TMEM132D: variants seen among roughly 807,000 people sequenced by gnomAD.
The protein encoded by TMEM132D is transmembrane protein 132D, also known as mature OL transmembrane protein.
TMEM132D carries 21 observed loss-of-function variants against 62.3 expected under a neutral mutation model. That is an observed-to-expected ratio of 0.34 (90% CI 0.24 to 0.49). The LOEUF is 0.49. TMEM132D is among the 20% of genes least tolerant of loss of function. The pLI is 0.99. For synonymous variants in TMEM132D, 621 were observed against 575.6 expected (o/e 1.08, Z -1.13); for missense variants, 1,346 against 1,402.8 (o/e 0.96, Z 0.65).
intron 3 of TMEM132D, among the ~76,000 whole-genome samples, chr12:129,407,079 G>C (rs1871812809): frequency 6.6e-6 from 1 of 152,172 alleles, no homozygotes; most frequent in Non-Finnish European, 1.5e-5. Flanking sequence ...ACATTTCAAA[G>C]TCAAAAATGA....
At chr12:129,215,918 T>C (rs1378552900) in intron 4 of TMEM132D, among the ~76,000 whole-genome samples, 4 of 152,146 alleles carry the variant, frequency 2.6e-5, no homozygotes, top group Non-Finnish European at 5.9e-5. Flanking sequence ...TCCTGAGACT[T>C]ACTCACTACC....
chr12:129,408,010 C>G (rs1273192223), intron 3 of TMEM132D, among the ~76,000 whole-genome samples: 1 of 152,152 alleles, frequency 6.6e-6, no homozygotes, highest in Non-Finnish European at 1.5e-5. Context: ...CCTTCTTACC[C>G]TGGGGCTTCA....
chr12:129,805,387 G>A (rs979841912), intron 1 of TMEM132D, among the ~76,000 whole-genome samples: 71 of 151,974 alleles, frequency 4.7e-4, no homozygotes, highest in African/African-American at 1.1e-3. Context: ...AAATAACGCC[G>A]CATATCTACA....
At chr12:129,253,008 C>A (rs527788913) in intron 4 of TMEM132D, among the ~76,000 whole-genome samples, 6 of 127,496 alleles carry the variant, frequency 4.7e-5, no homozygotes. Context: ...CACATGGACA[C>A]AGGAAGGGGA....
At chr12:129,772,291 T>C (rs1253582756) in intron 1 of TMEM132D, among the ~76,000 whole-genome samples, 2 of 152,170 alleles carry the variant, frequency 1.3e-5, no homozygotes, top group East Asian at 3.8e-4. Context: ...ATAGTATAAT[T>C]TGAGGGCTTT....
At chr12:129,405,117 C>G (rs1050273289) in intron 3 of TMEM132D, among the ~76,000 whole-genome samples, 1 of 152,114 alleles carries the variant, frequency 6.6e-6, no homozygotes, top group African/African-American at 2.4e-5. Context: ...TAACAAAATA[C>G]CAGAGGCTCG....
At chr12:129,393,725 A>T (rs566918150) in intron 3 of TMEM132D, among the ~76,000 whole-genome samples, 76 of 152,310 alleles carry the variant, frequency 5.0e-4, no homozygotes, top group African/African-American at 1.8e-3. Flanking sequence ...CAGCAAGCTT[A>T]AACACTTGAG....
At chr12:129,791,916 T>C (rs75319214) in intron 1 of TMEM132D, among the ~76,000 whole-genome samples, 1,877 of 152,234 alleles carry the variant, frequency 0.012, 33 homozygotes, top group African/African-American at 0.044. Flanking sequence ...TCCTAAACAT[T>C]AGGGCAAAGA....
chr12:129,822,551 A>G (rs1293931173), intron 1 of TMEM132D, among the ~76,000 whole-genome samples: 1 of 152,138 alleles, frequency 6.6e-6, no homozygotes, highest in Non-Finnish European at 1.5e-5. Flanking sequence ...GGAGTTGTTG[A>G]TATGGTTTGT....
intron 2 of TMEM132D, among the ~76,000 whole-genome samples, chr12:129,607,431 C>T (rs1251698688): frequency 6.6e-6 from 1 of 152,222 alleles, no homozygotes; most frequent in East Asian, 1.9e-4. Flanking sequence ...TCAGGGCTGA[C>T]CACCTGCAAG....
chr12:129,092,542 A>G (rs1360213004), intron 5 of TMEM132D, among the ~76,000 whole-genome samples: 2 of 152,084 alleles, frequency 1.3e-5, no homozygotes, highest in Non-Finnish European at 2.9e-5. Context: ...AAAAATACAA[A>G]AAAATTAGCC....
intron 3 of TMEM132D, among the ~76,000 whole-genome samples, chr12:129,406,052 AAC>A (rs1157567317): frequency 2.0e-5 from 3 of 152,244 alleles, no homozygotes; most frequent in Non-Finnish European, 4.4e-5. Flanking sequence ...TTTCTTCATA[AAC>A]ACACATTCAT....
At chr12:129,654,923 C>A (rs1880031497) in intron 2 of TMEM132D, among the ~76,000 whole-genome samples, 1 of 152,112 alleles carries the variant, frequency 6.6e-6, no homozygotes, top group African/African-American at 2.4e-5. Context: ...ATTGTTCTCT[C>A]ATTTAATTTC....
intron 4 of TMEM132D, among the ~76,000 whole-genome samples, chr12:129,303,993 G>T (rs1230959406): frequency 6.6e-6 from 1 of 152,188 alleles, no homozygotes; most frequent in Non-Finnish European, 1.5e-5. Flanking sequence ...CGATGGCTTA[G>T]ATGGTGCCAG....
rs967861931 is a variant in TMEM132D, at chr12:129,752,141, T to G, written c.80-51443A>C. Among the ~76,000 whole-genome samples, 3 of 152,118 alleles carry G rather than the reference T, an allele frequency of 2.0e-5. No homozygotes were observed. In the South Asian group the frequency reaches 6.2e-4, roughly 31 times the overall value. ...CCAGCCATTCAGACAGGGAGATAAA[T>G]CTATATAACTTCAATATTTAATAAA... is the stretch of plus-strand genomic sequence containing the variant. On this transcript the variant is annotated intron_variant, in intron 1 of 8. Coordinates refer to ENST00000422113, the MANE Select transcript of TMEM132D (RefSeq NM_133448.3).
chr12:129,455,389 T>C (rs931509432), intron 3 of TMEM132D, among the ~76,000 whole-genome samples: 2 of 152,246 alleles, frequency 1.3e-5, no homozygotes, highest in Admixed American at 1.3e-4. Flanking sequence ...ATTTATCTTA[T>C]ATCGTGGTTT....
chr12:129,098,086 T>C (rs1265758762), intron 5 of TMEM132D, among the ~76,000 whole-genome samples: 2 of 152,214 alleles, frequency 1.3e-5, no homozygotes, highest in African/African-American at 4.8e-5. Flanking sequence ...AAGTTAGTTT[T>C]TGTGAGGACA....
At chr12:129,873,765 T>TA (rs1874329320) in intron 1 of TMEM132D, among the ~76,000 whole-genome samples, 1 of 152,016 alleles carries the variant, frequency 6.6e-6, no homozygotes. Context: ...TTTTTGTGGT[T>TA]AAAAAACACA....
intron 8 of TMEM132D, among the ~76,000 whole-genome samples, chr12:129,076,049 T>G (rs1273085932): frequency 6.6e-6 from 1 of 151,870 alleles, no homozygotes; most frequent in African/African-American, 2.4e-5. Context: ...GCTGCTGCCA[T>G]TAGAGCCATC....
Sources: gnomAD v4.1 joint callset for allele counts (sites outside exome capture counted in the v4.1 genomes callset) on GRCh38, gnomAD v4.1.1 for gene constraint, MANE v1.5 for transcripts, NCBI Gene and HGNC (gene_info 2026-07-23, HGNC 2026-07-21) for gene names.